Variants in NEB observed in about 807,000 individuals in gnomAD.
The protein encoded by NEB is nemaline myopathy type 2.
A neutral mutation model predicts 952.2 loss-of-function variants in NEB; 512 were observed. The ratio of observed to expected loss-of-function variants is 0.54; its 90% CI spans 0.50 to 0.58. NEB has a LOEUF of 0.58. Among genes scored for constraint, NEB ranks in the 20% least tolerant of loss-of-function variants. The probability of loss-of-function intolerance (pLI) is 0.00; values close to 1 mark genes in which losing one functional copy is unlikely to be tolerated. For missense variants in NEB, 8,428 were observed against 9,231.1 expected (o/e 0.91, Z 3.56); for synonymous variants, 2,900 against 3,149.8 (o/e 0.92, Z 2.66).
intron 12 of NEB, among the ~76,000 whole-genome samples, chr2:151,708,007 C>G (rs1049919065): frequency 1.3e-5 from 2 of 152,182 alleles, no homozygotes. Context: ...TCCCCCTACC[C>G]GCATCTGGGA....
rs766226656 is a variant in NEB at position 151,551,816 on chromosome 2, A to G, written c.19866T>C (p.Ser6622=). The change falls in exon 129 of 182, where the codon AGT becomes AGC. Residue 6622 remains serine (S), a synonymous_variant. Coordinates refer to ENST00000397345, the MANE Select transcript of NEB (RefSeq NM_001164508.2). ...DAVYHYDYVH[S]VRGKVAPTTK... is the part of the protein sequence containing the mutation. The stretch of plus-strand genomic sequence containing the variant: ...TAGTTGGAGCCACTTTGCCTCTGAC[A>G]CTGTGCACATAGTCATAGTGGTAGA... 3 of 1,613,322 alleles carry G rather than the reference A, an allele frequency of 1.9e-6. No individual in the cohort carries two copies. Among genetic ancestry groups the G allele is most frequent in the Non-Finnish European group, 2.5e-6 (3 of 1,179,508 alleles).
intron 110 of NEB, 129 bp downstream of exon 110, chr2:151,569,139 T>A: frequency 1.3e-6 from 1 of 745,774 alleles, no homozygotes; most frequent in Non-Finnish European, 2.3e-6. Context: ...GAAAAATATA[T>A]ATGCTCAGTT....
Position 151,548,315 on chromosome 2 carries a change from G to A in NEB, c.20150C>T (p.Thr6717Ile), listed in dbSNP as rs753992038. Reference protein sequence around the residue: ...FVHVRRVNNVTSERLYRELYH... With the variant: ...FVHVRRVNNVISERLYRELYH... ...GAATCAGCATTCAGGTACCTCGCTG[G>A]TAACATTGTTGACTCTCCGGACGTG... The change falls in exon 131 of 182, where the codon ACC becomes ATC. Residue 6717 changes from threonine (T) to isoleucine (I), a missense_variant. Physicochemically the swap from Thr to Ile is moderately conservative, Grantham distance 89. Transcript: ENST00000397345. 6.2e-7 allele frequency: 1 copy of A among 1,610,528 alleles called. No individual in the cohort carries two copies. The highest frequency in any genetic ancestry group is 1.3e-5 in the African/African-American group (1 of 74,798).
intron 129 of NEB, among the ~76,000 whole-genome samples, chr2:151,550,253 G>A (rs2095213637): frequency 8.0e-6 from 1 of 125,176 alleles, no homozygotes; most frequent in African/African-American, 3.2e-5. Flanking sequence ...GGAGACAGAG[G>A]AGACCCTGTC....
intron 112 of NEB, 55 bp downstream of exon 112, chr2:151,568,260 TC>T: frequency 6.3e-7 from 1 of 1,593,282 alleles, no homozygotes; most frequent in Middle Eastern, 1.7e-4. Context: ...ATCCTACAGT[TC>T]CATTAAGGCC....
In NEB at chr2:151,696,683, G is replaced by C. The variant is rs771120566; in HGVS notation, c.1523C>G (p.Ser508Cys). The change falls in exon 17 of 182, where the codon TCT (serine) becomes TGT (cysteine). Residue 508 changes from serine (S) to cysteine (C), a missense_variant. By Grantham distance (112) the Ser-to-Cys change is moderately radical. Coordinates refer to ENST00000397345, the MANE Select transcript of NEB (RefSeq NM_001164508.2). ...GACTTGGGCTTGTAGCAGAACAGGAGAGTCTGTAACTTGGGTGAATTTTGT... is the reference window on the plus strand; with the variant it reads ...GACTTGGGCTTGTAGCAGAACAGGACAGTCTGTAACTTGGGTGAATTTTGT... ...DKTKFTQVTD[S>C]PVLLQAQVNS... 1.9e-6 allele frequency: 3 copies of C among 1,613,868 alleles called. No individual in the cohort carries two copies. Among genetic ancestry groups the C allele is most frequent in the Non-Finnish European group, 2.5e-6 (3 of 1,179,836 alleles).
Position 151,655,324 on chromosome 2 carries a change from C to T in NEB, c.6753G>A (p.Met2251Ile). 6.2e-7 allele frequency: 1 copy of T among 1,602,490 alleles called. No homozygotes were observed. The highest frequency in any genetic ancestry group is 8.5e-7 in the Non-Finnish European group (1 of 1,172,214). ...WNKDKTKIHV[M>I]PDTPDILQAK... Reference sequence around the variant, plus strand: ...CTTGTAAAATATCTGGTGTATCAGGCATCACATGAATCTTGGTCTTATCTT... The same window carrying T: ...CTTGTAAAATATCTGGTGTATCAGGTATCACATGAATCTTGGTCTTATCTT... Residue 2251 changes from methionine (M) to isoleucine (I), a missense_variant, in exon 51 of 182, where the codon ATG (methionine) becomes ATA (isoleucine). Physicochemically the swap from Met to Ile is conservative, Grantham distance 10 (BLOSUM62 1). Transcript: ENST00000397345.
At chr2:151,677,499 G>A in intron 34 of NEB, 66 bp downstream of exon 34, 1 of 1,194,328 alleles carries the variant, frequency 8.4e-7, no homozygotes, top group Non-Finnish European at 1.1e-6. Flanking sequence ...AATATATTGG[G>A]CTGCTGTTTA....
rs2099542790 is a variant in NEB, at chr2:151,690,808, A to G, written c.2229T>C (p.His743=). 6.3e-7 allele frequency: 1 copy of G among 1,589,364 alleles called. No homozygotes were observed. Among genetic ancestry groups the G allele is most frequent in the Non-Finnish European group, 8.6e-7 (1 of 1,166,570 alleles). The stretch of plus-strand genomic sequence containing the variant: ...CTGCCGTGAATTTGGTCTTATCTGG[A>G]TGAACTTTGTAGGTATGCTAGAAAA... ...DQCKDHTYKV[H]PDKTKFTAVT... is the part of the protein sequence containing the mutation. The change falls in exon 24 of 182, where the codon CAT becomes CAC. Residue 743 remains histidine, a synonymous_variant. Coordinates refer to ENST00000397345, the MANE Select transcript of NEB (RefSeq NM_001164508.2).
intron 171 of NEB, 38 bp from the exon 172 acceptor site, chr2:151,497,071 G>A (rs779215270): frequency 6.5e-7 from 1 of 1,544,430 alleles, no homozygotes. Flanking sequence ...ACAACCATGA[G>A]TAACATTTCA....
At chr2:151,486,066 C>G in intron 181 of NEB, 133 bp from the exon 182 acceptor site, 1 of 915,456 alleles carries the variant, frequency 1.1e-6, no homozygotes, top group East Asian at 2.7e-5. Context: ...CAAGCATCAA[C>G]AAAGTAAAAG....
Position 151,519,533 on chromosome 2 carries a change from T to C in NEB, c.22590+125A>G, listed in dbSNP as rs141084946. On this transcript the variant is annotated intron_variant, in intron 154 of 181. Transcript: ENST00000397345. ...TAGTTTCTGTTGGTATGAAAACATT[T>C]TGGAAATAGTGACAGTAGTTGGATA... 1,761 of 727,484 alleles carry C rather than the reference T, an allele frequency of 2.4e-3. 34 individuals are homozygous for C. The South Asian group carries it at 0.027, about 11-fold the overall frequency. The allele number at this position is 727,484 out of a possible 1,614,324, so 45.1% of individuals were successfully genotyped here. A position where few individuals can be genotyped will look rare whatever the true frequency, so the allele number is the denominator to read the frequency against.
At chr2:151,565,257 G>A in intron 116 of NEB, 109 bp from the exon 117 acceptor site, 1 of 710,150 alleles carries the variant, frequency 1.4e-6, no homozygotes, top group South Asian at 2.1e-5. Flanking sequence ...CTAACCAACT[G>A]GTTGAATTTT....
At chr2:151,546,024 A>G in intron 134 of NEB, 26 bp from the exon 135 acceptor site, 1 of 1,250,386 alleles carries the variant, frequency 8.0e-7, no homozygotes. Flanking sequence ...AAAAACAGAA[A>G]TACAAGTTGA....
At chr2:151,630,026 A>G (rs114812442) in intron 67 of NEB, among the ~76,000 whole-genome samples, 2,511 of 152,198 alleles carry the variant, frequency 0.016, 73 homozygotes, top group African/African-American at 0.058. Context: ...ACAATGTTTA[A>G]TATCTATCTA....
At chr2:151,676,732 C>A (rs2099363016) in intron 34 of NEB, among the ~76,000 whole-genome samples, 1 of 152,146 alleles carries the variant, frequency 6.6e-6, no homozygotes, top group African/African-American at 2.4e-5. Context: ...TACAAGGCAC[C>A]TCCCTTGTAT....
intron 161 of NEB, 124 bp downstream of exon 161, chr2:151,512,609 T>C: frequency 1.3e-6 from 1 of 778,410 alleles, no homozygotes; most frequent in Non-Finnish European, 2.2e-6. Context: ...CCACTGCACC[T>C]GGTGAATCTC....
Position 151,512,713 on chromosome 2 carries a change from G to A in NEB, c.23346+20C>T. ...TTCATGATTGGGGTTTATGAGTGAT[G>A]GCATGACGAATGTCCTTACCTGGCT... is the stretch of plus-strand genomic sequence containing the variant. On this transcript the variant is annotated intron_variant, in intron 161 of 181. Coordinates refer to ENST00000397345, the MANE Select transcript of NEB (RefSeq NM_001164508.2). 6.5e-7 allele frequency: 1 copy of A among 1,537,800 alleles called. No homozygotes were observed. The highest frequency in any genetic ancestry group is 2.2e-5 in the East Asian group (1 of 44,518).
chr2:151,568,547 G>A, intron 111 of NEB, 71 bp downstream of exon 111: 3 of 1,430,402 alleles, frequency 2.1e-6, no homozygotes, highest in Non-Finnish European at 2.9e-6. Flanking sequence ...CATTCTGAGT[G>A]TAAGTAGATG....
Sources: allele counts gnomAD v4.1 joint callset (sites outside exome capture counted in the v4.1 genomes callset), GRCh38; gene constraint gnomAD v4.1.1; transcripts MANE v1.5; gene names NCBI Gene and HGNC (gene_info 2026-07-23, HGNC 2026-07-21).